Variants in ADCY10 observed in about 807,000 individuals in gnomAD.
ADCY10 encodes adenylate cyclase 10.
In ADCY10, 156 loss-of-function variants were observed where a neutral mutation model predicts 183.3. The ratio of observed to expected loss-of-function variants is 0.85; its 90% CI spans 0.75 to 0.97. ADCY10 has a LOEUF of 0.97. Ranked by LOEUF, ADCY10 falls within the 50% of genes least tolerant of loss-of-function variation. ADCY10 has a pLI of 0.00. For synonymous variants in ADCY10, 645 were observed against 670.0 expected (o/e 0.96, Z 0.58); for missense variants, 1,745 against 1,934.3 (o/e 0.90, Z 1.84).
At position 167,880,477 on chromosome 1, in the gene ADCY10, G is replaced by C. The variant is rs764242857; in HGVS notation, c.1139+14C>G. 4 of 1,587,048 alleles carry C rather than the reference G, an allele frequency of 2.5e-6. No homozygotes were observed. The highest frequency in any genetic ancestry group is 2.6e-6 in the Non-Finnish European group (3 of 1,155,240). The stretch of plus-strand genomic sequence containing the variant: ...GGTCAGGGACCGCTGGGTGGGACCA[G>C]GGTCAATACTCACTGGATTTTGTGG... On this transcript the variant is annotated intron_variant, in intron 10 of 32. Transcript: ENST00000367851.
chr1:167,818,151 T>A lies in ADCY10; in HGVS notation c.4403A>T (p.Glu1468Val), dbSNP rs756157699. 6.2e-7 allele frequency: 1 copy of A among 1,614,194 alleles called. No homozygotes were observed. Among genetic ancestry groups the A allele is most frequent in the East Asian group, 2.2e-5 (1 of 44,884 alleles). Residue 1468 changes from glutamate to valine, a missense_variant, in exon 31 of 33, where the codon GAG becomes GTG. By Grantham distance (121) the Glu-to-Val change is moderately radical (BLOSUM62 -2). Coordinates refer to ENST00000367851, the MANE Select transcript of ADCY10 (RefSeq NM_018417.6). ...TTTTTGAAGGTGAAGAACTTGCCCC[T>A]CCATGTACCTAGATATTCCGTCATA... is the stretch of plus-strand genomic sequence containing the variant. ...TYYDGISRYM[E>V]GQVLHLQKQI...
chr1:167,875,199 A>G lies in ADCY10; in HGVS notation c.1407-13T>C. On this transcript the variant is annotated splice_polypyrimidine_tract_variant and intron_variant, in intron 12 of 32. Transcript: ENST00000367851. ...CATACCAAACATGCTGAAGAGAAGA[A>G]CAAAAGAACAGATGCTAGATTCAAA... 1 of 1,613,548 alleles carries G rather than the reference A, an allele frequency of 6.2e-7. No individual in the cohort carries two copies. The highest frequency in any genetic ancestry group is 1.1e-5 in the South Asian group (1 of 91,070).
intron 30 of ADCY10, chr1:167,820,196 G>C (rs1367230823): frequency 6.5e-7 from 1 of 1,542,356 alleles, no homozygotes; most frequent in Admixed American, 2.0e-5. Context: ...CGCAGCTCCC[G>C]AGGCTGCGAC....
At position 167,884,728 on chromosome 1, in the gene ADCY10, C is replaced by T. The variant is rs370129668; in HGVS notation, c.829-1100G>A. ...TTTTTTTTTTTTTGAGACGGAGTCT[C>T]GCTCTGTTGCTCAGGCTGGAGTGCA... On this transcript the variant is annotated intron_variant, in intron 8 of 32. Transcript: ENST00000367851. 1.8e-4 allele frequency among the ~76,000 whole-genome samples: 26 copies of T among 142,208 alleles called. No individual in the cohort carries two copies. The East Asian group carries it at 4.4e-3, about 24-fold the overall frequency. 93.3% of individuals were successfully genotyped at this position (142,208 alleles called of 152,430 possible).
chr1:167,911,506 C>T (rs1401976082), intron 1 of ADCY10, among the ~76,000 whole-genome samples: 1 of 151,850 alleles, frequency 6.6e-6, no homozygotes, highest in Non-Finnish European at 1.5e-5. Flanking sequence ...TTACTTCCTC[C>T]TTCTTTTGTT....
rs929238749 is a variant in ADCY10, at chr1:167,875,877, C to T, written c.1407-691G>A. Reference sequence around the variant, plus strand: ...CTGAGGCAGGAGAATGGTGTGAACCCGGGAGGGGGAGCTTGCAGTGAGCCG... The same window carrying T: ...CTGAGGCAGGAGAATGGTGTGAACCTGGGAGGGGGAGCTTGCAGTGAGCCG... On this transcript the variant is annotated intron_variant, in intron 12 of 32. Coordinates refer to ENST00000367851, the MANE Select transcript of ADCY10 (RefSeq NM_018417.6). Among the ~76,000 whole-genome samples the T allele has an allele frequency of 3.9e-5, 6 of 151,954 alleles. No homozygotes were observed. The South Asian group carries it at 6.2e-4, about 16-fold the overall frequency.
Position 167,820,556 on chromosome 1 carries a change from A to G in ADCY10, c.4286+1468T>C, listed in dbSNP as rs185721118. ...CTTTAGATTCCTTAACCTTTAACTC[A>G]CATTGGTAAGTTATTTGATTTTGAA... On this transcript the variant is annotated intron_variant, in intron 30 of 32. Transcript: ENST00000367851. 3 of 306,036 alleles carry G rather than the reference A, an allele frequency of 9.8e-6. No individual in the cohort carries two copies. In the East Asian group the frequency reaches 1.6e-4, roughly 16 times the overall value. 19.0% of individuals were successfully genotyped at this position (306,036 alleles called of 1,614,324 possible). A position where few individuals can be genotyped will look rare whatever the true frequency, so the allele number is the denominator to read the frequency against.
In ADCY10 at chr1:167,831,380, G is replaced by C. The variant is rs147126696; in HGVS notation, c.3593+1607C>G. Among the ~76,000 whole-genome samples the C allele has an allele frequency of 3.5e-3, 533 of 152,246 alleles. 4 individuals are homozygous for C. The highest frequency in any genetic ancestry group is 0.012 in the African/African-American group (510 of 41,540). On this transcript the variant is annotated intron_variant, in intron 25 of 32. Transcript: ENST00000367851. The stretch of plus-strand genomic sequence containing the variant: ...AAATTTTTTCTGTATTTTTAGTAGA[G>C]ACGGGATTTCACCATGTTGGCCAGA...
At position 167,872,742 on chromosome 1, in the gene ADCY10, G is replaced by T. The variant is rs137987833; in HGVS notation, c.1463-2332C>A. On this transcript the variant is annotated intron_variant, in intron 13 of 32. Transcript: ENST00000367851. The stretch of plus-strand genomic sequence containing the variant: ...ACCTGATCTTTATGTCATACTGGTG[G>T]AATCAGTGCAAAAGGGCAACTAGAT... Among the ~76,000 whole-genome samples the T allele has an allele frequency of 4.5e-3, 667 of 149,332 alleles. 6 individuals are homozygous for T. The highest frequency in any genetic ancestry group is 0.016 in the African/African-American group (638 of 40,328).
intron 12 of ADCY10, 126 bp from the exon 13 acceptor site, chr1:167,875,312 T>G: frequency 1.0e-6 from 1 of 961,492 alleles, no homozygotes; most frequent in East Asian, 2.5e-5. Flanking sequence ...ATCCCCTGAC[T>G]CACGGGTCGC....
intron 16 of ADCY10, among the ~76,000 whole-genome samples, chr1:167,857,728 A>G (rs897331884): frequency 6.6e-6 from 1 of 152,244 alleles, no homozygotes; most frequent in Non-Finnish European, 1.5e-5. Flanking sequence ...AAGTGGTACT[A>G]TTGAATCTAT....
intron 1 of ADCY10, among the ~76,000 whole-genome samples, chr1:167,907,359 C>T (rs902403740): frequency 2.7e-4 from 41 of 152,290 alleles, no homozygotes; most frequent in African/African-American, 7.9e-4. Flanking sequence ...AGGCTTATTT[C>T]TTGTTCATTT....
intron 8 of ADCY10, among the ~76,000 whole-genome samples, chr1:167,889,996 C>T (rs534191253): frequency 6.6e-6 from 1 of 152,280 alleles, no homozygotes; most frequent in East Asian, 1.9e-4. Flanking sequence ...CTTTGAGTTT[C>T]CTCAAACAGC....
At chr1:167,827,542 G>C (rs1045586639) in intron 26 of ADCY10, among the ~76,000 whole-genome samples, 5 of 151,696 alleles carry the variant, frequency 3.3e-5, no homozygotes, top group African/African-American at 1.2e-4. Flanking sequence ...ATAATTTCTT[G>C]ATCATGTCTC....
At position 167,809,463 on chromosome 1, in the gene ADCY10, G is replaced by A. The variant is rs1442892595; in HGVS notation, c.*215C>T. 2 of 574,706 alleles carry A rather than the reference G, an allele frequency of 3.5e-6. No individual in the cohort carries two copies. The highest frequency in any genetic ancestry group is 1.9e-5 in the African/African-American group (1 of 53,294). The allele number at this position is 574,706 out of a possible 1,614,324, so 35.6% of individuals were successfully genotyped here. A position where few individuals can be genotyped will look rare whatever the true frequency, so the allele number is the denominator to read the frequency against. ...AGGTCAAGCTAAAACAACATGAATG[G>A]TAAAAGCAATTTTTTGTAACATTAG... On this transcript the variant is annotated 3_prime_UTR_variant, in exon 33 of 33. Coordinates refer to ENST00000367851, the MANE Select transcript of ADCY10 (RefSeq NM_018417.6).
chr1:167,826,968 G>A (rs1558152973), intron 26 of ADCY10, among the ~76,000 whole-genome samples: 1 of 152,060 alleles, frequency 6.6e-6, no homozygotes, highest in South Asian at 2.1e-4. Context: ...AATAGGCAGG[G>A]GTCAATCTTG....
intron 12 of ADCY10, among the ~76,000 whole-genome samples, chr1:167,875,547 G>A (rs1667393283): frequency 6.6e-6 from 1 of 152,170 alleles, no homozygotes; most frequent in African/African-American, 2.4e-5. Context: ...TCCACCAATT[G>A]CTCAAACAAT....
intron 13 of ADCY10, among the ~76,000 whole-genome samples, chr1:167,872,345 A>G (rs1667165963): frequency 6.7e-6 from 1 of 148,558 alleles, no homozygotes; most frequent in Admixed American, 6.8e-5. Context: ...TCTCAAAAAA[A>G]ATAAAGTTTC....
In ADCY10 at chr1:167,894,691, G is replaced by C. The variant is rs370694102; in HGVS notation, c.740-750C>G. ...CTTTATAATAAAACCATAACTGTAA[G>C]TGTAGCACTTTGCTGAGTTCTGTGA... is the stretch of plus-strand genomic sequence containing the variant. On this transcript the variant is annotated intron_variant, in intron 7 of 32. Transcript: ENST00000367851. Among the ~76,000 whole-genome samples, 48 of 152,198 alleles carry C rather than the reference G, an allele frequency of 3.2e-4. No individual in the cohort carries two copies. In the South Asian group the frequency reaches 9.3e-3, roughly 30 times the overall value.
Sources: gnomAD v4.1 joint callset for allele counts (sites outside exome capture counted in the v4.1 genomes callset) on GRCh38, gnomAD v4.1.1 for gene constraint, MANE v1.5 for transcripts, NCBI Gene and HGNC (gene_info 2026-07-23, HGNC 2026-07-21) for gene names.